The following CPQ variants were observed in gnomAD, a reference collection of about 807,000 sequenced individuals.
CPQ encodes carboxypeptidase Q, also known as Ser-Met dipeptidase.
Under a neutral mutation model 45.7 loss-of-function variants are expected in CPQ, and 37 were observed. The ratio of observed to expected loss-of-function variants is 0.81; its 90% confidence interval spans 0.62 to 1.07. The LOEUF is 1.07. Ranked by LOEUF, CPQ falls within the 50% of genes least tolerant of loss-of-function variation. CPQ has a pLI of 0.00. For missense variants in CPQ, 537 were observed against 572.9 expected (o/e 0.94, Z 0.64); for synonymous variants, 186 against 205.8 (o/e 0.90, Z 0.82).
chr8:97,007,815 G>A (rs1809412403), intron 5 of CPQ, among the ~76,000 whole-genome samples: 1 of 152,158 alleles, frequency 6.6e-6, no homozygotes, highest in Non-Finnish European at 1.5e-5. Context: ...GGGAACTTCA[G>A]GGGGATGAAG....
chr8:97,125,100 A>G (rs938675315), intron 7 of CPQ, among the ~76,000 whole-genome samples: 1 of 152,192 alleles, frequency 6.6e-6, no homozygotes, highest in African/African-American at 2.4e-5. Flanking sequence ...AAAGGGCACT[A>G]AAGGACTCTA....
At chr8:96,968,913 GA>G (rs1242782486) in intron 5 of CPQ, among the ~76,000 whole-genome samples, 1 of 152,210 alleles carries the variant, frequency 6.6e-6, no homozygotes, top group African/African-American at 2.4e-5. Flanking sequence ...TGTTTGCTGT[GA>G]AGCGTCGTTG....
chr8:96,826,383 TAGTC>T (rs1386499561), intron 2 of CPQ, among the ~76,000 whole-genome samples: 1 of 152,004 alleles, frequency 6.6e-6, no homozygotes, highest in Non-Finnish European at 1.5e-5. Flanking sequence ...GCCCCTGAAT[TAGTC>T]AGTTTTCACT....
At chr8:96,780,664 TCTTC>T (rs940138797) in intron 1 of CPQ, among the ~76,000 whole-genome samples, 3 of 151,998 alleles carry the variant, frequency 2.0e-5, no homozygotes, top group Non-Finnish European at 2.9e-5. Flanking sequence ...TTTCAATTTG[TCTTC>T]CTTCCTTCCT....
At chr8:97,014,908 T>TA (rs1015407033) in intron 5 of CPQ, among the ~76,000 whole-genome samples, 2 of 151,948 alleles carry the variant, frequency 1.3e-5, no homozygotes, top group Non-Finnish European at 2.9e-5. Flanking sequence ...TGCATTATAT[T>TA]AAAAAAAACT....
At chr8:96,947,412 T>C (rs1813205819) in intron 4 of CPQ, among the ~76,000 whole-genome samples, 1 of 152,112 alleles carries the variant, frequency 6.6e-6, no homozygotes, top group African/African-American at 2.4e-5. Flanking sequence ...TCTCCTACTA[T>C]TGGTCTGTAT....
chr8:96,681,103 A>C (rs1370070215), intron 1 of CPQ, among the ~76,000 whole-genome samples: 2 of 152,248 alleles, frequency 1.3e-5, no homozygotes, highest in African/African-American at 4.8e-5. Context: ...ACAATGCAAT[A>C]GAAAAGATAA....
intron 6 of CPQ, among the ~76,000 whole-genome samples, chr8:97,049,697 C>T (rs776311553): frequency 2.0e-5 from 3 of 152,196 alleles, no homozygotes; most frequent in Admixed American, 6.5e-5. Flanking sequence ...AATAAAACTA[C>T]ATTAAATGCA....
chr8:96,910,619 C>T (rs1389145663), intron 4 of CPQ, among the ~76,000 whole-genome samples: 2 of 152,162 alleles, frequency 1.3e-5, no homozygotes, highest in Non-Finnish European at 1.5e-5. Flanking sequence ...ATTCTCCTGC[C>T]TCAGCCTCCT....
intron 4 of CPQ, among the ~76,000 whole-genome samples, chr8:96,893,293 A>G (rs188299136): frequency 2.2e-3 from 338 of 152,336 alleles, no homozygotes; most frequent in African/African-American, 7.4e-3. Context: ...ATCAGCATCA[A>G]CAGCAACTAA....
At chr8:96,808,339 T>C (rs1278565825) in intron 2 of CPQ, among the ~76,000 whole-genome samples, 3 of 152,184 alleles carry the variant, frequency 2.0e-5, no homozygotes, top group Non-Finnish European at 4.4e-5. Context: ...GTGTCTAGGC[T>C]GGCTCTTGGG....
chr8:96,659,984 A>T (rs1450855057), intron 1 of CPQ, among the ~76,000 whole-genome samples: 1 of 152,168 alleles, frequency 6.6e-6, no homozygotes, highest in African/African-American at 2.4e-5. Context: ...ACATTTTGAA[A>T]AATTGCTTGT....
intron 1 of CPQ, among the ~76,000 whole-genome samples, chr8:96,676,710 G>A (rs559992325): frequency 6.6e-6 from 1 of 152,114 alleles, no homozygotes; most frequent in South Asian, 2.1e-4. Context: ...TTGGGGTGCA[G>A]TTGGTGTTTG....
intron 7 of CPQ, among the ~76,000 whole-genome samples, chr8:97,083,514 A>C (rs1006019041): frequency 4.6e-5 from 7 of 152,184 alleles, no homozygotes; most frequent in African/African-American, 1.7e-4. Flanking sequence ...GACTCATTTC[A>C]CTGTAACATG....
intron 1 of CPQ, among the ~76,000 whole-genome samples, chr8:96,726,493 C>A (rs776516977): frequency 4.1e-4 from 63 of 152,086 alleles, no homozygotes; most frequent in Non-Finnish European, 6.6e-4. Context: ...AGGAAACATA[C>A]AATCATAGTG....
At chr8:96,647,663 T>C (rs2130700603) in intron 1 of CPQ, among the ~76,000 whole-genome samples, 1 of 152,324 alleles carries the variant, frequency 6.6e-6, no homozygotes, top group East Asian at 1.9e-4. Flanking sequence ...CCCTGGGTTA[T>C]TTGGGTAAAT....
At chr8:97,110,325 A>G (rs1811479265) in intron 7 of CPQ, among the ~76,000 whole-genome samples, 1 of 152,190 alleles carries the variant, frequency 6.6e-6, no homozygotes, top group East Asian at 1.9e-4. Flanking sequence ...GCTGAGTACT[A>G]TTCCATTATA....
At chr8:96,844,516 G>A (rs1811658148) in intron 3 of CPQ, among the ~76,000 whole-genome samples, 1 of 152,162 alleles carries the variant, frequency 6.6e-6, no homozygotes, top group African/African-American at 2.4e-5. Flanking sequence ...TAAACAACCA[G>A]TGTGAGCCTG....
At chr8:96,847,893 CT>C (rs3036452) in intron 3 of CPQ, among the ~76,000 whole-genome samples, 1,852 of 67,334 alleles carry the variant, frequency 0.028, 12 homozygotes, top group East Asian at 0.057. Context: ...ATGAAAAGAG[CT>C]TTTTTTTTTT....
Sources: allele counts gnomAD v4.1 joint callset (sites outside exome capture counted in the v4.1 genomes callset), GRCh38; gene constraint gnomAD v4.1.1; transcripts MANE v1.5; gene names NCBI Gene and HGNC (gene_info 2026-07-23, HGNC 2026-07-21).